FRMD3: variants seen among roughly 807,000 people sequenced by gnomAD.
The protein encoded by FRMD3 is FERM domain-containing protein 3.
A neutral mutation model predicts 70.2 loss-of-function variants in FRMD3; 33 were observed. The ratio of observed to expected loss-of-function variants is 0.47; its 90% CI spans 0.36 to 0.63. The LOEUF (loss-of-function observed/expected upper bound fraction) is 0.63, where lower values mean the gene tolerates loss of function less well. Among genes scored for constraint, FRMD3 ranks in the 20% least tolerant of loss-of-function variants. FRMD3 has a pLI of 0.00. For missense variants in FRMD3, 632 were observed against 711.4 expected, an observed-to-expected ratio of 0.89 and a Z score of 1.27; for synonymous variants, 279 against 255.9, an observed-to-expected ratio of 1.09 and a Z score of -0.86.
intron 10 of FRMD3, among the ~76,000 whole-genome samples, chr9:83,304,486 T>G (rs1286730847): frequency 6.6e-6 from 1 of 152,232 alleles, no homozygotes; most frequent in Non-Finnish European, 1.5e-5. Flanking sequence ...CATTCATGTG[T>G]GCATTCAAGT....
Position 83,245,331 on chromosome 9 carries a change from G to GTGAC in FRMD3, c.*2583_*2586dup. 1 of 985,374 alleles carries GTGAC rather than the reference G, an allele frequency of 1.0e-6. No homozygotes were observed. The highest frequency in any genetic ancestry group is 1.7e-5 in the African/African-American group (1 of 57,340). The allele number at this position is 985,374 out of a possible 1,614,324, so 61.0% of individuals were successfully genotyped here. Reference sequence around the variant, plus strand: ...TTTCCTCATTCGATTCAGGCAACTGGTGACTATCTTCTAACAAAACTTAAA... The same window carrying GTGAC: ...TTTCCTCATTCGATTCAGGCAACTGGTGACTGACTATCTTCTAACAAAACTTAAA... On this transcript the variant is annotated 3_prime_UTR_variant, in exon 14 of 14. Coordinates refer to ENST00000304195, the MANE Select transcript of FRMD3 (RefSeq NM_174938.6).
chr9:83,512,719 C>G (rs1313547407), intron 1 of FRMD3, among the ~76,000 whole-genome samples: 1 of 152,206 alleles, frequency 6.6e-6, no homozygotes, highest in African/African-American at 2.4e-5. Flanking sequence ...TCCCTACTCT[C>G]TGGAGTCCCC....
intron 1 of FRMD3, among the ~76,000 whole-genome samples, chr9:83,446,925 C>G (rs938088512): frequency 6.6e-6 from 1 of 152,188 alleles, no homozygotes. Context: ...CAACAAATTA[C>G]ACCTTCCTCC....
At chr9:83,349,355 T>C (rs992089479) in intron 4 of FRMD3, among the ~76,000 whole-genome samples, 19 of 152,192 alleles carry the variant, frequency 1.2e-4, no homozygotes, top group Non-Finnish European at 2.6e-4. Flanking sequence ...GGGACTGTAC[T>C]GGGTATGAAT....
At chr9:83,440,970 C>T (rs919879948) in intron 1 of FRMD3, among the ~76,000 whole-genome samples, 6 of 152,156 alleles carry the variant, frequency 3.9e-5, no homozygotes, top group African/African-American at 9.7e-5. Context: ...AGACTTGTTT[C>T]GGCCAATGAA....
chr9:83,295,485 C>T (rs1834621941), intron 12 of FRMD3, among the ~76,000 whole-genome samples: 1 of 152,062 alleles, frequency 6.6e-6, no homozygotes, highest in African/African-American at 2.4e-5. Context: ...GTAATATTAT[C>T]AACACCTCAT....
chr9:83,310,460 CA>C, intron 9 of FRMD3, 24 bp downstream of exon 9: 1 of 1,573,614 alleles, frequency 6.4e-7, no homozygotes, highest in South Asian at 1.1e-5. Flanking sequence ...CAATAACAGG[CA>C]GTTAAAAAAA....
intron 5 of FRMD3, among the ~76,000 whole-genome samples, chr9:83,341,194 T>G (rs1185291395): frequency 6.6e-6 from 1 of 152,174 alleles, no homozygotes; most frequent in Non-Finnish European, 1.5e-5. Context: ...TTTACTGAAT[T>G]TGCTATAAAT....
intron 12 of FRMD3, among the ~76,000 whole-genome samples, chr9:83,293,509 T>A (rs1834531056): frequency 6.6e-6 from 1 of 152,196 alleles, no homozygotes; most frequent in African/African-American, 2.4e-5. Flanking sequence ...GGTGAGCCTT[T>A]ATGAGCTTAT....
intron 1 of FRMD3, among the ~76,000 whole-genome samples, chr9:83,398,333 T>C (rs1477546464): frequency 1.3e-5 from 2 of 152,206 alleles, no homozygotes; most frequent in Non-Finnish European, 2.9e-5. Flanking sequence ...CGCTGTGATA[T>C]ATATTCAGAA....
At chr9:83,503,542 T>C (rs1266111590) in intron 1 of FRMD3, among the ~76,000 whole-genome samples, 2 of 152,194 alleles carry the variant, frequency 1.3e-5, no homozygotes, top group African/African-American at 4.8e-5. Flanking sequence ...TGCTGACACC[T>C]TGAGTACAGA....
At chr9:83,374,496 C>T (rs1825081584) in intron 2 of FRMD3, among the ~76,000 whole-genome samples, 1 of 152,146 alleles carries the variant, frequency 6.6e-6, no homozygotes, top group Admixed American at 6.5e-5. Context: ...TCGTTATTGC[C>T]TTCTAATTAG....
chr9:83,448,941 T>C (rs1386430271), intron 1 of FRMD3, among the ~76,000 whole-genome samples: 5 of 152,164 alleles, frequency 3.3e-5, no homozygotes, highest in Non-Finnish European at 7.3e-5. Context: ...GTGGCCTTGC[T>C]CAGCTCTCTG....
intron 1 of FRMD3, among the ~76,000 whole-genome samples, chr9:83,441,389 T>C (rs1480083446): frequency 6.6e-6 from 1 of 152,180 alleles, no homozygotes; most frequent in Non-Finnish European, 1.5e-5. Context: ...ATTAGTTATT[T>C]AGACTTAAAA....
intron 2 of FRMD3, among the ~76,000 whole-genome samples, chr9:83,384,909 C>T (rs1436754933): frequency 6.6e-6 from 1 of 152,288 alleles, no homozygotes; most frequent in South Asian, 2.1e-4. Context: ...AAAGCAGCAT[C>T]CTACAACCCA....
intron 1 of FRMD3, among the ~76,000 whole-genome samples, chr9:83,468,402 C>A (rs1828186162): frequency 6.6e-6 from 1 of 152,100 alleles, no homozygotes; most frequent in Admixed American, 6.5e-5. Context: ...GAGAAGTAAC[C>A]AAGCCAGGAA....
chr9:83,298,763 G>A lies in FRMD3; in HGVS notation c.1055C>T (p.Pro352Leu). Residue 352 changes from proline to leucine, a missense_variant, in exon 12 of 14, where the codon CCT becomes CTT. Around this residue, in one of 3 missense-constraint regions of FRMD3, gnomAD observed 418 missense variants for 442.1 expected, o/e 0.95. Coordinates refer to ENST00000304195, the MANE Select transcript of FRMD3 (RefSeq NM_174938.6). ...VEASSKIQRE[P>L]PEVHRANITQ... is the part of the protein sequence containing the mutation. Reference sequence around the variant, plus strand: ...ATCCACTCACCTGTGCACCTCAGGAGGCTCCCTCTGGATCTTGGAACTGGC... The same window carrying A: ...ATCCACTCACCTGTGCACCTCAGGAAGCTCCCTCTGGATCTTGGAACTGGC... 6.2e-7 allele frequency: 1 copy of A among 1,614,186 alleles called. No homozygotes were observed. The highest frequency in any genetic ancestry group is 1.3e-5 in the African/African-American group (1 of 75,058).
intron 1 of FRMD3, among the ~76,000 whole-genome samples, chr9:83,499,004 A>G (rs138250185): frequency 7.7e-4 from 118 of 152,264 alleles, no homozygotes; most frequent in African/African-American, 2.7e-3. Flanking sequence ...TAACGTGGCA[A>G]TATCCTTGTA....
At chr9:83,338,518 G>A (rs549797065) in intron 5 of FRMD3, among the ~76,000 whole-genome samples, 3 of 152,116 alleles carry the variant, frequency 2.0e-5, no homozygotes, top group Non-Finnish European at 4.4e-5. Context: ...CATGGAAGAC[G>A]CACCCTTTGG....
Sources: gnomAD v4.1 joint callset for allele counts (sites outside exome capture counted in the v4.1 genomes callset) on GRCh38, gnomAD v4.1.1 for gene constraint, gnomAD v4.1.1 regional missense constraint, MANE v1.5 for transcripts, NCBI Gene and HGNC (gene_info 2026-07-23, HGNC 2026-07-21) for gene names.